CDH13: variants seen among roughly 807,000 people sequenced by gnomAD.
The protein encoded by CDH13 is cadherin 13, also known as cadherin-13.
CDH13 carries 24 observed loss-of-function variants against 63.8 expected under a neutral mutation model. The ratio of observed to expected loss-of-function variants is 0.38; its 90% CI spans 0.27 to 0.53. The LOEUF (loss-of-function observed/expected upper bound fraction) is 0.53. CDH13 is among the 20% of genes least tolerant of loss of function. The probability of loss-of-function intolerance (pLI) is 0.85; values close to 1 mark genes in which losing one functional copy is unlikely to be tolerated. For synonymous variants in CDH13, 503 were observed against 355.3 expected (o/e 1.42, Z -4.67); for missense variants, 1,049 against 903.1 (o/e 1.16, Z -2.07).
At chr16:82,636,682 A>C (rs1207413856) in intron 1 of CDH13, among the ~76,000 whole-genome samples, 1 of 152,156 alleles carries the variant, frequency 6.6e-6, no homozygotes, top group African/African-American at 2.4e-5. Context: ...AGAATATTCA[A>C]CTGGGTGCCA....
At chr16:82,852,562 C>T (rs56257742) in intron 1 of CDH13, among the ~76,000 whole-genome samples, 8,732 of 152,242 alleles carry the variant, frequency 0.057, 407 homozygotes, top group Admixed American at 0.16. Flanking sequence ...AGTCACATGT[C>T]TAAAATTGTA....
intron 7 of CDH13, among the ~76,000 whole-genome samples, chr16:83,599,020 A>G (rs1907530119): frequency 6.6e-6 from 1 of 152,222 alleles, no homozygotes; most frequent in Non-Finnish European, 1.5e-5. Context: ...CCTGAACCAT[A>G]TGACCATCCC....
chr16:83,488,909 G>C (rs1037918949), intron 7 of CDH13, among the ~76,000 whole-genome samples: 2 of 152,180 alleles, frequency 1.3e-5, no homozygotes, highest in Non-Finnish European at 2.9e-5. Flanking sequence ...ACAGGGATGA[G>C]CCACTGCGCC....
At chr16:82,695,992 A>G (rs1175655915) in intron 1 of CDH13, among the ~76,000 whole-genome samples, 1 of 152,172 alleles carries the variant, frequency 6.6e-6, no homozygotes, top group Non-Finnish European at 1.5e-5. Flanking sequence ...CCACAACACT[A>G]AGCCTTTCTA....
At chr16:82,939,874 G>A (rs74825741) in intron 2 of CDH13, among the ~76,000 whole-genome samples, 4,092 of 152,260 alleles carry the variant, frequency 0.027, 69 homozygotes, top group Middle Eastern at 0.051. Flanking sequence ...TTTTCACGCT[G>A]CTGATAAAGA....
At position 83,268,632 on chromosome 16, in the gene CDH13, A is replaced by G. The variant is rs527353234; in HGVS notation, c.636+51135A>G. ...ACAAGTGACATGAAGTGAAATGCAC[A>G]TTTCAATGGGTGTCGCATCCTGGTC... On this transcript the variant is annotated intron_variant, in intron 5 of 13. Transcript: ENST00000567109. Among the ~76,000 whole-genome samples the G allele has an allele frequency of 2.8e-4, 42 of 152,350 alleles. No individual in the cohort carries two copies. The South Asian group carries it at 7.3e-3, about 26-fold the overall frequency.
At chr16:83,594,023 G>C (rs1255865771) in intron 7 of CDH13, among the ~76,000 whole-genome samples, 1 of 152,168 alleles carries the variant, frequency 6.6e-6, no homozygotes, top group Non-Finnish European at 1.5e-5. Flanking sequence ...GCTATACTCT[G>C]TGCTTAATGG....
chr16:83,159,984 G>A (rs369602636), intron 4 of CDH13, among the ~76,000 whole-genome samples: 2 of 152,016 alleles, frequency 1.3e-5, no homozygotes, highest in African/African-American at 2.4e-5. Context: ...GCTGAGGCAC[G>A]AGAATTGCTT....
intron 6 of CDH13, among the ~76,000 whole-genome samples, chr16:83,414,212 C>G (rs112413423): frequency 6.6e-6 from 1 of 152,114 alleles, no homozygotes; most frequent in East Asian, 1.9e-4. Context: ...TCAACATGCT[C>G]AACCATTTTC....
chr16:83,766,608 T>G (rs114347615), intron 11 of CDH13, among the ~76,000 whole-genome samples: 4,234 of 152,274 alleles, frequency 0.028, 193 homozygotes, highest in African/African-American at 0.093. Flanking sequence ...CTGGGAAGAT[T>G]TGGGACAAGT....
chr16:83,051,792 T>A (rs915159807), intron 3 of CDH13, among the ~76,000 whole-genome samples: 2 of 152,208 alleles, frequency 1.3e-5, no homozygotes, highest in Non-Finnish European at 2.9e-5. Flanking sequence ...TGTTGTCTTA[T>A]GAAGGATGAA....
intron 2 of CDH13, among the ~76,000 whole-genome samples, chr16:82,889,964 A>T (rs770925149): frequency 6.6e-6 from 1 of 152,202 alleles, no homozygotes; most frequent in Non-Finnish European, 1.5e-5. Context: ...TTAAAACACA[A>T]ATGCTTTTTG....
At chr16:83,073,395 C>G (rs1032542087) in intron 3 of CDH13, among the ~76,000 whole-genome samples, 2 of 148,936 alleles carry the variant, frequency 1.3e-5, no homozygotes, top group Admixed American at 1.3e-4. Flanking sequence ...AATTACCACA[C>G]CATACTACCT....
chr16:82,913,608 C>T (rs2041901158), intron 2 of CDH13, among the ~76,000 whole-genome samples: 1 of 152,146 alleles, frequency 6.6e-6, no homozygotes, highest in Admixed American at 6.5e-5. Context: ...CCACAGAGGC[C>T]AGCAGAGCAG....
In CDH13 at chr16:83,162,594, A is replaced by G. The variant is rs2037494451; in HGVS notation, c.483+37093A>G. The stretch of plus-strand genomic sequence containing the variant: ...CCCTGAGTCTGACAGTCAGAGGGGA[A>G]TCAGGGCAGGAAGTATCTACTGAAG... On this transcript the variant is annotated intron_variant, in intron 4 of 13. Coordinates refer to ENST00000567109, the MANE Select transcript of CDH13 (RefSeq NM_001257.5). Among the ~76,000 whole-genome samples the G allele has an allele frequency of 2.0e-5, 3 of 150,746 alleles. No homozygotes were observed. In the Admixed American group the frequency reaches 2.0e-4, roughly 10 times the overall value.
intron 2 of CDH13, among the ~76,000 whole-genome samples, chr16:83,015,735 C>T (rs117366951): frequency 0.034 from 3,063 of 91,022 alleles, 72 homozygotes; most frequent in Middle Eastern, 0.098. Context: ...AGAAAAAGCA[C>T]GAGCAATAAA....
In CDH13 at chr16:83,198,234, C is replaced by T. The variant is rs572657116; in HGVS notation, c.484-19111C>T. Reference sequence around the variant, plus strand: ...TCCCATTGCCAAGTACAACAATTTACAGCACTCTTTTTAGTATATTCTGAA... The same window carrying T: ...TCCCATTGCCAAGTACAACAATTTATAGCACTCTTTTTAGTATATTCTGAA... On this transcript the variant is annotated intron_variant, in intron 4 of 13. Transcript: ENST00000567109. 5.9e-5 allele frequency among the ~76,000 whole-genome samples: 9 copies of T among 152,084 alleles called. No individual in the cohort carries two copies. In the East Asian group the frequency reaches 1.6e-3, roughly 26 times the overall value.
intron 7 of CDH13, among the ~76,000 whole-genome samples, chr16:83,530,187 T>A (rs2151631561): frequency 6.6e-6 from 1 of 152,354 alleles, no homozygotes; most frequent in African/African-American, 2.4e-5. Flanking sequence ...CTATTCATGA[T>A]AATTTGTAAT....
chr16:82,667,953 C>T (rs770099857), intron 1 of CDH13, among the ~76,000 whole-genome samples: 1 of 152,090 alleles, frequency 6.6e-6, no homozygotes, highest in Non-Finnish European at 1.5e-5. Flanking sequence ...TCACGCTGAC[C>T]TAATATTAAC....
Sources: gnomAD v4.1 joint callset for allele counts (sites outside exome capture counted in the v4.1 genomes callset) on GRCh38, gnomAD v4.1.1 for gene constraint, MANE v1.5 for transcripts, NCBI Gene and HGNC (gene_info 2026-07-23, HGNC 2026-07-21) for gene names.